The following POU2AF1 variants were observed in gnomAD, a reference collection of about 807,000 sequenced individuals.
POU2AF1 encodes POU class 2 homeobox associating factor 1, also known as POU domain class 2-associating factor 1.
Under a neutral mutation model 26.3 loss-of-function variants are expected in POU2AF1, and 12 were observed. The ratio of observed to expected loss-of-function variants is 0.46; its 90% CI spans 0.29 to 0.74. POU2AF1 has a LOEUF of 0.74. Among genes scored for constraint, POU2AF1 ranks in the 30% least tolerant of loss-of-function variants. The pLI is 0.09. For missense variants in POU2AF1, 297 were observed against 334.5 expected (o/e 0.89, Z 0.87); for synonymous variants, 175 against 148.0 (o/e 1.18, Z -1.32).
At chr11:111,368,700 G>T (rs1861152236) in intron 1 of POU2AF1, among the ~76,000 whole-genome samples, 1 of 152,220 alleles carries the variant, frequency 6.6e-6, no homozygotes, top group Non-Finnish European at 1.5e-5. Flanking sequence ...TTTGGGACTA[G>T]ACCTAGTTTA....
intron 4 of POU2AF1, among the ~76,000 whole-genome samples, chr11:111,355,540 T>C (rs905169535): frequency 6.6e-6 from 1 of 152,152 alleles, no homozygotes; most frequent in African/African-American, 2.4e-5. Flanking sequence ...TGTCACTGTG[T>C]CTTGACAGCA....
chr11:111,369,493 C>T (rs1313305507), intron 1 of POU2AF1, among the ~76,000 whole-genome samples: 2 of 152,158 alleles, frequency 1.3e-5, no homozygotes, highest in Non-Finnish European at 2.9e-5. Context: ...GTAGATACTC[C>T]CTCAAGGGGG....
chr11:111,355,288 T>C (rs1467937404), intron 4 of POU2AF1, among the ~76,000 whole-genome samples: 1 of 152,252 alleles, frequency 6.6e-6, no homozygotes, highest in Non-Finnish European at 1.5e-5. Flanking sequence ...GCACCCCCCA[T>C]GACCCTCCAA....
At chr11:111,362,290 A>G (rs1861025558) in intron 1 of POU2AF1, among the ~76,000 whole-genome samples, 1 of 152,206 alleles carries the variant, frequency 6.6e-6, no homozygotes, top group African/African-American at 2.4e-5. Flanking sequence ...CCCCTCAAGC[A>G]TTTGTCACCT....
In POU2AF1 at chr11:111,367,284, T is replaced by C. The variant is rs187523870; in HGVS notation, c.17-8366A>G. ...TCAGGTCTGTTGAATGAATGGGTGG[T>C]AAAGGTCCATGTGTTTCCTGGTCAC... On this transcript the variant is annotated intron_variant, in intron 1 of 4. Transcript: ENST00000393067. Among the ~76,000 whole-genome samples the C allele has an allele frequency of 2.6e-5, 4 of 152,246 alleles. No homozygotes were observed. In the East Asian group the frequency reaches 7.8e-4, roughly 30 times the overall value.
Position 111,367,157 on chromosome 11 carries a change from C to T in POU2AF1, c.17-8239G>A, listed in dbSNP as rs576441794. ...AGACTCCCAGGGATCCTTTCCCCGGCACTCTCCGCACCTTCCACACCACAC... is the reference window on the plus strand; with the variant it reads ...AGACTCCCAGGGATCCTTTCCCCGGTACTCTCCGCACCTTCCACACCACAC... On this transcript the variant is annotated intron_variant, in intron 1 of 4. Transcript: ENST00000393067. Among the ~76,000 whole-genome samples, 16 of 152,246 alleles carry T rather than the reference C, an allele frequency of 1.1e-4. No homozygotes were observed. The South Asian group carries it at 2.1e-3, about 20-fold the overall frequency.
intron 1 of POU2AF1, among the ~76,000 whole-genome samples, chr11:111,365,388 C>T (rs760885868): frequency 4.4e-4 from 67 of 152,204 alleles, no homozygotes; most frequent in Non-Finnish European, 8.8e-4. Context: ...ACAGGTAAAC[C>T]TTGTAGCCGT....
intron 1 of POU2AF1, among the ~76,000 whole-genome samples, chr11:111,361,647 T>C (rs1376212160): frequency 6.6e-6 from 1 of 152,182 alleles, no homozygotes; most frequent in Non-Finnish European, 1.5e-5. Flanking sequence ...AGACAGCTCT[T>C]CCTCCTACTG....
chr11:111,360,736 G>A (rs1297870978), intron 1 of POU2AF1, among the ~76,000 whole-genome samples: 1 of 152,120 alleles, frequency 6.6e-6, no homozygotes, highest in African/African-American at 2.4e-5. Context: ...ACAAGGTCAG[G>A]AGATTAAGAC....
intron 1 of POU2AF1, among the ~76,000 whole-genome samples, chr11:111,369,409 T>C (rs1269795540): frequency 1.3e-5 from 2 of 152,162 alleles, no homozygotes; most frequent in Admixed American, 1.3e-4. Context: ...TGTCCTGACC[T>C]CAGATGCAGC....
chr11:111,376,691 C>T (rs1280334960), intron 1 of POU2AF1, among the ~76,000 whole-genome samples: 2 of 152,066 alleles, frequency 1.3e-5, no homozygotes, highest in Non-Finnish European at 2.9e-5. Flanking sequence ...GCTCATGCCT[C>T]GAGGGTGTTT....
At chr11:111,363,739 AT>A (rs1320147274) in intron 1 of POU2AF1, 1 of 848,720 alleles carries the variant, frequency 1.2e-6, no homozygotes, top group Non-Finnish European at 1.4e-6. Flanking sequence ...TAGAAGCCCA[AT>A]TTCCCACAGT....
At chr11:111,358,698 T>C in intron 2 of POU2AF1, 90 bp downstream of exon 2, 2 of 1,450,764 alleles carry the variant, frequency 1.4e-6, no homozygotes, top group Non-Finnish European at 1.9e-6. Context: ...ATACACATAC[T>C]CACACACACA....
In POU2AF1 at chr11:111,372,988, A is replaced by G. The variant is rs75716067; in HGVS notation, c.16+6174T>C. Among the ~76,000 whole-genome samples, 1,239 of 152,356 alleles carry G rather than the reference A, an allele frequency of 8.1e-3. 22 individuals carry two copies. Among genetic ancestry groups the G allele is most frequent in the African/African-American group, 0.028 (1,171 of 41,576 alleles). On this transcript the variant is annotated intron_variant, in intron 1 of 4. Transcript: ENST00000393067. ...GAAAAAAATCTTGAGGACAAGAGCC[A>G]CATGCCAAGGATGGCAGATTAGAAA...
At chr11:111,369,754 C>A (rs984948509) in intron 1 of POU2AF1, among the ~76,000 whole-genome samples, 1 of 152,102 alleles carries the variant, frequency 6.6e-6, no homozygotes, top group Non-Finnish European at 1.5e-5. Context: ...CCCCAGTGGC[C>A]ACCCCAATTC....
chr11:111,372,692 A>C (rs193242261), intron 1 of POU2AF1, among the ~76,000 whole-genome samples: 1 of 152,190 alleles, frequency 6.6e-6, no homozygotes, highest in Non-Finnish European at 1.5e-5. Flanking sequence ...AAGCATAGTG[A>C]AGACTGGCAG....
intron 2 of POU2AF1, 36 bp downstream of exon 2, chr11:111,358,752 A>T: frequency 6.5e-7 from 1 of 1,544,822 alleles, no homozygotes; most frequent in Non-Finnish European, 8.7e-7. Context: ...TCTTTCACAC[A>T]CACACACTCA....
rs927226917 is a variant in POU2AF1 at position 111,368,449 on chromosome 11, A to G, written c.17-9531T>C. On this transcript the variant is annotated intron_variant, in intron 1 of 4. Coordinates refer to ENST00000393067, the MANE Select transcript of POU2AF1 (RefSeq NM_006235.3). ...CTTGGCTGATTGGCCCACCAAGAGAAGAGGAGTCCAGGGAACTCAGATTCT... is the reference window on the plus strand; with the variant it reads ...CTTGGCTGATTGGCCCACCAAGAGAGGAGGAGTCCAGGGAACTCAGATTCT... 1.1e-4 allele frequency among the ~76,000 whole-genome samples: 16 copies of G among 152,156 alleles called. No individual in the cohort carries two copies. The East Asian group carries it at 3.1e-3, about 29-fold the overall frequency.
chr11:111,360,431 G>T lies in POU2AF1; in HGVS notation c.17-1513C>A, dbSNP rs45548933. On this transcript the variant is annotated intron_variant, in intron 1 of 4. Coordinates refer to ENST00000393067, the MANE Select transcript of POU2AF1 (RefSeq NM_006235.3). ...AGACCTCCCTCCAGGCTCCAGCCAC[G>T]AGCAAGGCCTGGCCTTGAAGCCCAG... Among the ~76,000 whole-genome samples, 1,222 of 152,294 alleles carry T rather than the reference G, an allele frequency of 8.0e-3. 12 individuals are homozygous for T. The highest frequency in any genetic ancestry group is 0.014 in the Non-Finnish European group (944 of 68,020).
Sources: gnomAD v4.1 joint callset for allele counts (sites outside exome capture counted in the v4.1 genomes callset) on GRCh38, gnomAD v4.1.1 for gene constraint, MANE v1.5 for transcripts, NCBI Gene and HGNC (gene_info 2026-07-23, HGNC 2026-07-21) for gene names.